VWA7: variants seen among roughly 807,000 people sequenced by gnomAD.
VWA7 encodes the protein von Willebrand factor A domain-containing protein 7.
VWA7 carries 66 observed loss-of-function variants against 83.1 expected under a neutral mutation model. The observed-to-expected ratio is 0.79, with a 90% confidence interval of 0.65 to 0.98. The LOEUF (loss-of-function observed/expected upper bound fraction) is 0.98. Ranked by LOEUF, VWA7 falls within the 50% of genes least tolerant of loss-of-function variation. The pLI, the probability that VWA7 is intolerant of heterozygous loss-of-function variation, is 0.00. For synonymous variants in VWA7, 424 were observed against 488.5 expected (o/e 0.87, Z 1.74); for missense variants, 1,080 against 1,160.2 (o/e 0.93, Z 1.00).
intron 7 of VWA7, 135 bp from the exon 8 acceptor site, chr6:31,770,248 A>C (rs1812045269): frequency 4.3e-6 from 3 of 695,724 alleles, no homozygotes; most frequent in Non-Finnish European, 7.2e-6. Flanking sequence ...CTCCATTATA[A>C]GACTCATACT....
At position 31,766,387 on chromosome 6, in the gene VWA7, G is replaced by T. The variant is rs1181971861; in HGVS notation, c.2185-3C>A. ...AAGAAACCCGAGGGGCCACTAAGCT[G>T]CAGAGAAGGGTTCTTCAGGGAAGGG... On this transcript the variant is annotated splice_region_variant and splice_polypyrimidine_tract_variant and intron_variant, in intron 14 of 16. Transcript: ENST00000375688. This position sits in a 1 kb window ranked among gnomAD's most constrained non-coding sequence, Gnocchi z 4.9. The T allele has an allele frequency of 2.5e-6, 4 of 1,594,362 alleles. No individual in the cohort carries two copies. Among genetic ancestry groups the T allele is most frequent in the Non-Finnish European group, 3.4e-6 (4 of 1,171,178 alleles).
intron 13 of VWA7, 82 bp downstream of exon 13, chr6:31,767,076 T>A (rs1168321917): frequency 2.9e-6 from 1 of 339,726 alleles, no homozygotes; most frequent in African/African-American, 2.2e-5. Flanking sequence ...ATATATATAA[T>A]ATATATATTA....
Position 31,775,305 on chromosome 6 carries a change from T to C in VWA7, c.610+28A>G. The C allele has an allele frequency of 6.3e-7, 1 of 1,593,374 alleles. No individual in the cohort carries two copies. The highest frequency in any genetic ancestry group is 8.6e-7 in the Non-Finnish European group (1 of 1,167,374). On this transcript the variant is annotated intron_variant, in intron 4 of 16. Coordinates refer to ENST00000375688, the MANE Select transcript of VWA7 (RefSeq NM_025258.3). The surrounding 1 kb of genome is among the most constrained non-coding windows in gnomAD (Gnocchi z 5.9). ...GGACTGAGGTGGCCCTGTGGACTCC[T>C]GCCTCACCACCAGGGTCACAGCCAT...
In VWA7 at chr6:31,766,815, G is replaced by C; in HGVS notation, c.1883-51C>G. 1 of 1,547,900 alleles carries C rather than the reference G, an allele frequency of 6.5e-7. No individual in the cohort carries two copies. The highest frequency in any genetic ancestry group is 8.7e-7 in the Non-Finnish European group (1 of 1,143,280). ...ACATTGTGAGATTCGGAGACACAGG[G>C]AGAAAAGAATTAATGGCCTTCAAAA... On this transcript the variant is annotated intron_variant, in intron 13 of 16. Coordinates refer to ENST00000375688, the MANE Select transcript of VWA7 (RefSeq NM_025258.3). This position sits in a 1 kb window ranked among gnomAD's most constrained non-coding sequence, Gnocchi z 4.9.
In VWA7 at chr6:31,769,260, A is replaced by C; in HGVS notation, c.1318-57T>G. 6.4e-7 allele frequency: 1 copy of C among 1,561,108 alleles called. No homozygotes were observed. Among genetic ancestry groups the C allele is most frequent in the Non-Finnish European group, 8.7e-7 (1 of 1,150,852 alleles). On this transcript the variant is annotated intron_variant, in intron 9 of 16. Transcript: ENST00000375688. The surrounding 1 kb of genome is among the most constrained non-coding windows in gnomAD (Gnocchi z 4.5). The stretch of plus-strand genomic sequence containing the variant: ...TGTCCAAGTGCCATCCACTATTATG[A>C]ATGAGAATCCCTGTGCTCAAGCTTT...
Position 31,766,439 on chromosome 6 carries a change from C to A in VWA7, c.2184+24G>T, listed in dbSNP as rs778884667. ...CCGCTCTAACTCTCTCCAGCCCCAG[C>A]CGCACTTTCCCCTGGCGTCTCACCT... On this transcript the variant is annotated intron_variant, in intron 14 of 16. Coordinates refer to ENST00000375688, the MANE Select transcript of VWA7 (RefSeq NM_025258.3). This position sits in a 1 kb window ranked among gnomAD's most constrained non-coding sequence, Gnocchi z 4.9. 2.9e-5 allele frequency: 46 copies of A among 1,575,832 alleles called. No individual in the cohort carries two copies. In the Admixed American group the frequency reaches 8.5e-4, roughly 29 times the overall value.
Position 31,773,958 on chromosome 6 carries a change from A to T in VWA7, c.722-521T>A, listed in dbSNP as rs186990688. On this transcript the variant is annotated intron_variant, in intron 5 of 16. Transcript: ENST00000375688. This position sits in a 1 kb window ranked among gnomAD's most constrained non-coding sequence, Gnocchi z 5.3. ...TCACCTGAAGTCAGGAGTTTGAGAC[A>T]AGCCTGGCCAACATGATGAAACCCT... Among the ~76,000 whole-genome samples the T allele has an allele frequency of 7.2e-4, 109 of 151,798 alleles. No individual in the cohort carries two copies. The highest frequency in any genetic ancestry group is 2.5e-3 in the African/African-American group (105 of 41,402).
chr6:31,769,846 A>C lies in VWA7; in HGVS notation c.1201-55T>G. ...CAATGGCAGTAGGAGGGGAATGGGT[A>C]GAGCCACGGAGGATGAAGCAGAAGG... On this transcript the variant is annotated intron_variant, in intron 8 of 16. Coordinates refer to ENST00000375688, the MANE Select transcript of VWA7 (RefSeq NM_025258.3). This position sits in a 1 kb window ranked among gnomAD's most constrained non-coding sequence, Gnocchi z 4.5. 4 of 1,546,074 alleles carry C rather than the reference A, an allele frequency of 2.6e-6. No individual in the cohort carries two copies.
chr6:31,771,049 T>C (rs191780324), intron 7 of VWA7, among the ~76,000 whole-genome samples: 11 of 145,468 alleles, frequency 7.6e-5, no homozygotes, highest in Admixed American at 6.2e-4. Flanking sequence ...AAAAAAAAAC[T>C]GGGTTTCCTC....
At position 31,773,139 on chromosome 6, in the gene VWA7, G is replaced by A; in HGVS notation, c.918-16C>T. 1.2e-6 allele frequency: 2 copies of A among 1,608,050 alleles called. No homozygotes were observed. Among genetic ancestry groups the A allele is most frequent in the Non-Finnish European group, 1.7e-6 (2 of 1,177,800 alleles). On this transcript the variant is annotated splice_polypyrimidine_tract_variant and intron_variant, in intron 6 of 16. Coordinates refer to ENST00000375688, the MANE Select transcript of VWA7 (RefSeq NM_025258.3). The surrounding 1 kb of genome is among the most constrained non-coding windows in gnomAD (Gnocchi z 5.3). The stretch of plus-strand genomic sequence containing the variant: ...GTCCAGCAGCCTGGGGAGCAAGCCA[G>A]AGACACAGTGAAGGGCCTGCACGTT...
Position 31,766,674 on chromosome 6 carries a change from A to T in VWA7, c.1973T>A (p.Leu658His). 1 of 1,612,874 alleles carries T rather than the reference A, an allele frequency of 6.2e-7. No homozygotes were observed. The highest frequency in any genetic ancestry group is 8.5e-7 in the Non-Finnish European group (1 of 1,179,842). The part of the protein sequence containing the change: ...DPQPHFSHVI[L>H]RGVPEGAELG... ...TTCGGCACCCTCTGGGACCCCTCGA[A>T]GGATGACGTGGGAGAAATGCGGCTG... Residue 658 changes from leucine (L) to histidine (H), a missense_variant, in exon 14 of 17, where the codon CTT (leucine) becomes CAT (histidine). Coordinates refer to ENST00000375688, the MANE Select transcript of VWA7 (RefSeq NM_025258.3). The surrounding 1 kb of genome is among the most constrained non-coding windows in gnomAD (Gnocchi z 4.9).
Position 31,769,670 on chromosome 6 carries a change from C to T in VWA7, c.1317+5G>A. 3.1e-6 allele frequency: 5 copies of T among 1,611,222 alleles called. No individual in the cohort carries two copies. Among genetic ancestry groups the T allele is most frequent in the Non-Finnish European group, 4.2e-6 (5 of 1,178,462 alleles). On this transcript the variant is annotated splice_donor_5th_base_variant and intron_variant, in intron 9 of 16. Transcript: ENST00000375688. The surrounding 1 kb of genome is among the most constrained non-coding windows in gnomAD (Gnocchi z 4.5). ...AACACTGGGTCTCCCACTAGCTCTG[C>T]TCACCCGGCAGCGCCGCTCCTGAGT...
At position 31,765,628 on chromosome 6, in the gene VWA7, C is replaced by T; in HGVS notation, c.2642G>A (p.Gly881Glu). 1 of 1,611,360 alleles carries T rather than the reference C, an allele frequency of 6.2e-7. No homozygotes were observed. The highest frequency in any genetic ancestry group is 8.5e-7 in the Non-Finnish European group (1 of 1,179,422). Residue 881 changes from glycine (G) to glutamate (E), a missense_variant, in exon 17 of 17, where the codon GGG becomes GAG. Coordinates refer to ENST00000375688, the MANE Select transcript of VWA7 (RefSeq NM_025258.3). ...GGCCAGGCCTAGCAGAAGCAGCACC[C>T]CTCCAACTGTGCCCCACCAGGGGCT... is the stretch of plus-strand genomic sequence containing the variant. ...AGSPWWGTVG[G>E]VLLLLGLASW
intron 10 of VWA7, 44 bp downstream of exon 10, chr6:31,768,974 G>T: frequency 6.4e-7 from 1 of 1,560,214 alleles, no homozygotes; most frequent in South Asian, 1.2e-5. Flanking sequence ...GGTGCAGCCT[G>T]ACCACCCTTC....
At chr6:31,767,578 G>A (rs752817388) in intron 11 of VWA7, 44 bp downstream of exon 11, 1 of 1,599,840 alleles carries the variant, frequency 6.3e-7, no homozygotes, top group African/African-American at 1.3e-5. Flanking sequence ...CCCCTCGATT[G>A]TCTATTCCCC....
In VWA7 at chr6:31,769,858, G is replaced by A; in HGVS notation, c.1201-67C>T. On this transcript the variant is annotated intron_variant, in intron 8 of 16. Coordinates refer to ENST00000375688, the MANE Select transcript of VWA7 (RefSeq NM_025258.3). This position sits in a 1 kb window ranked among gnomAD's most constrained non-coding sequence, Gnocchi z 4.5. ...GAGGGGAATGGGTAGAGCCACGGAGGATGAAGCAGAAGGGAATATGGCCCG... is the reference window on the plus strand; with the variant it reads ...GAGGGGAATGGGTAGAGCCACGGAGAATGAAGCAGAAGGGAATATGGCCCG... 3.3e-6 allele frequency: 5 copies of A among 1,527,786 alleles called. No homozygotes were observed. The South Asian group carries it at 5.6e-5, about 17-fold the overall frequency. 94.6% of individuals were successfully genotyped at this position (1,527,786 alleles called of 1,614,324 possible).
rs905404824 is a variant in VWA7 at position 31,766,180 on chromosome 6, A to T, written c.2324+65T>A. The stretch of plus-strand genomic sequence containing the variant: ...GGGCCAGTCGGAGGGGGACAGGGGC[A>T]GGGCTTGGGATAAGCATTGGCCGGG... On this transcript the variant is annotated intron_variant, in intron 15 of 16. Coordinates refer to ENST00000375688, the MANE Select transcript of VWA7 (RefSeq NM_025258.3). The surrounding 1 kb of genome is among the most constrained non-coding windows in gnomAD (Gnocchi z 4.9). 6.3e-7 allele frequency: 1 copy of T among 1,598,544 alleles called. No homozygotes were observed. The highest frequency in any genetic ancestry group is 8.5e-7 in the Non-Finnish European group (1 of 1,171,410).
rs193256088 is a variant in VWA7 at position 31,776,184 on chromosome 6, C to G, written c.293G>C (p.Arg98Pro). The G allele has an allele frequency of 6.2e-7, 1 of 1,613,908 alleles. No individual in the cohort carries two copies. The highest frequency in any genetic ancestry group is 8.5e-7 in the Non-Finnish European group (1 of 1,180,032). ...CTCACCTAAGGCTGCTCGGAACCGC[C>G]GAGAAGAACCAGGTCCAAAGTAGGC... ...FAAYFGPGSS[R>P]RFRAALGEVS... Residue 98 changes from arginine (R) to proline (P), a missense_variant, in exon 3 of 17, where the codon CGG becomes CCG. Coordinates refer to ENST00000375688, the MANE Select transcript of VWA7 (RefSeq NM_025258.3). The surrounding 1 kb of genome is among the most constrained non-coding windows in gnomAD (Gnocchi z 6.2).
chr6:31,776,994 G>A lies in VWA7; in HGVS notation c.-16+115C>T, dbSNP rs867805869. ...GGACATACACACCTGCCAGGAGAGG[G>A]GTCCAAGGTTCCTCCCCCACGCCCC... On this transcript the variant is annotated intron_variant, in intron 1 of 16. Transcript: ENST00000375688. This position sits in a 1 kb window ranked among gnomAD's most constrained non-coding sequence, Gnocchi z 6.2. 32 of 424,154 alleles carry A rather than the reference G, an allele frequency of 7.5e-5. No homozygotes were observed. Among genetic ancestry groups the A allele is most frequent in the African/African-American group, 6.5e-4 (32 of 49,060 alleles). The allele number at this position is 424,154 out of a possible 1,614,324, so 26.3% of individuals were successfully genotyped here.
Sources: allele counts gnomAD v4.1 joint callset (sites outside exome capture counted in the v4.1 genomes callset), GRCh38; gene constraint gnomAD v4.1.1; non-coding constraint Gnocchi (gnomAD v3.1); transcripts MANE v1.5; gene names NCBI Gene and HGNC (gene_info 2026-07-23, HGNC 2026-07-21).